DDHD1: variants seen among roughly 807,000 people sequenced by gnomAD.
The protein encoded by DDHD1 is DDHD domain containing 1.
Under a neutral mutation model 96.4 loss-of-function variants are expected in DDHD1, and 49 were observed. The ratio of observed to expected loss-of-function variants is 0.51; its 90% CI spans 0.40 to 0.64. DDHD1 has a LOEUF of 0.64. Among genes scored for constraint, DDHD1 ranks in the 30% least tolerant of loss-of-function variants. DDHD1 has a pLI of 0.00. For missense variants in DDHD1, 1,106 were observed against 1,161.2 expected (o/e 0.95, Z 0.69); for synonymous variants, 442 against 446.5 (o/e 0.99, Z 0.13).
chr14:53,116,961 T>G (rs185894744), intron 1 of DDHD1, among the ~76,000 whole-genome samples: 2 of 152,004 alleles, frequency 1.3e-5, no homozygotes, highest in Admixed American at 6.6e-5. Context: ...ATTGATAGAC[T>G]GCTAGCTAGA....
chr14:53,065,836 A>C (rs533747097), intron 6 of DDHD1, among the ~76,000 whole-genome samples: 1 of 152,320 alleles, frequency 6.6e-6, no homozygotes, highest in East Asian at 1.9e-4. Flanking sequence ...TTGTTACTAC[A>C]AAGTTCATTA....
chr14:53,049,766 G>C (rs771957013), intron 12 of DDHD1, among the ~76,000 whole-genome samples: 4 of 151,604 alleles, frequency 2.6e-5, no homozygotes, highest in Non-Finnish European at 4.4e-5. Flanking sequence ...TCAGGTTTCT[G>C]AACAGTTGAA....
In DDHD1 at chr14:53,152,550, G is replaced by T; in HGVS notation, c.549C>A (p.Ile183=). 1 of 1,613,904 alleles carries T rather than the reference G, an allele frequency of 6.2e-7. No homozygotes were observed. The highest frequency in any genetic ancestry group is 1.1e-5 in the South Asian group (1 of 91,086). The change falls in exon 1 of 13, where the codon ATC becomes ATA. Residue 183 remains isoleucine (I), a synonymous_variant. Coordinates refer to ENST00000673822, the MANE Select transcript of DDHD1 (RefSeq NM_001160148.2). ...KEDKKTWKPF[I]GYDSLRIELA... ...GCTCGATGCGGAGCGAGTCGTAGCC[G>T]ATGAAGGGCTTCCAGGTCTTCTTGT...
chr14:53,073,991 C>G, intron 4 of DDHD1, 144 bp from the exon 5 acceptor site: 1 of 629,722 alleles, frequency 1.6e-6, no homozygotes, highest in Non-Finnish European at 2.6e-6. Context: ...GACTACCACA[C>G]TAAACAAGTC....
At chr14:53,145,400 G>C (rs554828545) in intron 1 of DDHD1, among the ~76,000 whole-genome samples, 2 of 151,428 alleles carry the variant, frequency 1.3e-5, no homozygotes, top group Non-Finnish European at 2.9e-5. Flanking sequence ...CTTCTTTGAA[G>C]GCTGAGGTGG....
chr14:53,070,615 T>G (rs1421074131), intron 6 of DDHD1, among the ~76,000 whole-genome samples: 1 of 152,204 alleles, frequency 6.6e-6, no homozygotes, highest in Non-Finnish European at 1.5e-5. Flanking sequence ...CAACACTATC[T>G]GTTACTTCCT....
intron 1 of DDHD1, among the ~76,000 whole-genome samples, chr14:53,127,552 G>C (rs1889543866): frequency 1.3e-5 from 2 of 152,182 alleles, no homozygotes; most frequent in Admixed American, 1.3e-4. Context: ...ACATGCAGTA[G>C]TTACACACAG....
chr14:53,152,288 C>G lies in DDHD1; in HGVS notation c.811G>C (p.Gly271Arg). The change falls in exon 1 of 13, where the codon GGA becomes CGA. Residue 271 changes from glycine (G) to arginine (R), a missense_variant. Gly to Arg is a moderately radical substitution (Grantham distance 125). Transcript: ENST00000673822. ...TTCCAGTACACCGGGTAGCACTCTC[C>G]TTGGGTCACATCCACCTCGTAGAGG... ...GGLYEVDVTQ[G>R]ECYPVYWNQA... 1.2e-6 allele frequency: 2 copies of G among 1,612,624 alleles called. No individual in the cohort carries two copies. Among genetic ancestry groups the G allele is most frequent in the Non-Finnish European group, 1.7e-6 (2 of 1,179,254 alleles).
intron 1 of DDHD1, among the ~76,000 whole-genome samples, chr14:53,115,457 A>T (rs1888469302): frequency 6.6e-6 from 1 of 152,214 alleles, no homozygotes; most frequent in Non-Finnish European, 1.5e-5. Flanking sequence ...AAAGGAAAAA[A>T]GGTTAAGGGC....
At chr14:53,052,898 C>T (rs1882725686) in intron 11 of DDHD1, 1 of 151,694 alleles carries the variant, frequency 6.6e-6, no homozygotes, top group Admixed American at 6.6e-5. Context: ...TGCAATACAG[C>T]TATGCACCTC....
chr14:53,122,336 T>C (rs1889056656), intron 1 of DDHD1, among the ~76,000 whole-genome samples: 1 of 152,136 alleles, frequency 6.6e-6, no homozygotes, highest in African/African-American at 2.4e-5. Context: ...TACAATGAGT[T>C]CCACAGCTAG....
chr14:53,130,293 T>C (rs1461867992), intron 1 of DDHD1, among the ~76,000 whole-genome samples: 2 of 152,208 alleles, frequency 1.3e-5, no homozygotes, highest in African/African-American at 4.8e-5. Flanking sequence ...TCAAGGTTAA[T>C]ATTCCTTTTT....
chr14:53,091,043 A>G (rs963934659), intron 4 of DDHD1, among the ~76,000 whole-genome samples: 18 of 152,182 alleles, frequency 1.2e-4, no homozygotes, highest in African/African-American at 4.3e-4. Flanking sequence ...TCAAGCCTTT[A>G]TAAGCCTCAG....
intron 4 of DDHD1, among the ~76,000 whole-genome samples, chr14:53,078,251 T>C (rs1314319698): frequency 6.6e-6 from 1 of 152,094 alleles, no homozygotes; most frequent in Non-Finnish European, 1.5e-5. Context: ...CATGTAAGGG[T>C]TGTGATTTTT....
rs1318876241 is a variant in DDHD1 at position 53,037,399 on chromosome 14, G to A, written c.*9369C>T. 1 of 152,052 alleles carries A rather than the reference G, an allele frequency of 6.6e-6. No homozygotes were observed. The highest frequency in any genetic ancestry group is 6.6e-5 in the Admixed American group (1 of 15,254). 9.4% of individuals were successfully genotyped at this position (152,052 alleles called of 1,614,324 possible). ...AGTGTATAAATGTTCTCTTTTCTCT[G>A]AAACCTTACTGGCATGTTATTAGAC... On this transcript the variant is annotated 3_prime_UTR_variant, in exon 13 of 13. Transcript: ENST00000673822.
Position 53,119,172 on chromosome 14 carries a change from A to G in DDHD1, c.839-15316T>C, listed in dbSNP as rs1888787736. 1.3e-5 allele frequency among the ~76,000 whole-genome samples: 2 copies of G among 152,224 alleles called. 1 individual carries two copies. The highest frequency in any genetic ancestry group is 4.1e-4 in the South Asian group (2 of 4,834). On this transcript the variant is annotated intron_variant, in intron 1 of 12. Coordinates refer to ENST00000673822, the MANE Select transcript of DDHD1 (RefSeq NM_001160148.2). ...AGAGCTCCTGAAGGAAGCACTAAAC[A>G]TGGAAAGAAATAACCAGTACCAGCC... is the stretch of plus-strand genomic sequence containing the variant.
intron 1 of DDHD1, among the ~76,000 whole-genome samples, chr14:53,151,839 A>C (rs969124339): frequency 2.6e-5 from 4 of 152,192 alleles, no homozygotes; most frequent in African/African-American, 7.2e-5. Context: ...ATTCTCGAGC[A>C]GATCCTCTCA....
chr14:53,065,200 G>A (rs1883919961), intron 6 of DDHD1, among the ~76,000 whole-genome samples: 1 of 152,160 alleles, frequency 6.6e-6, no homozygotes, highest in African/African-American at 2.4e-5. Flanking sequence ...ATGAACGTAA[G>A]GAGGAAAAAC....
At chr14:53,087,880 T>G (rs918251828) in intron 4 of DDHD1, among the ~76,000 whole-genome samples, 3 of 152,116 alleles carry the variant, frequency 2.0e-5, no homozygotes, top group Admixed American at 6.5e-5. Flanking sequence ...AGGAGCTGGT[T>G]TTTTGAAACA....
Sources: allele counts gnomAD v4.1 joint callset (sites outside exome capture counted in the v4.1 genomes callset), GRCh38; gene constraint gnomAD v4.1.1; transcripts MANE v1.5; gene names NCBI Gene and HGNC (gene_info 2026-07-23, HGNC 2026-07-21).